ADAM9: variants seen among roughly 807,000 people sequenced by gnomAD.
The protein encoded by ADAM9 is disintegrin and metalloproteinase domain-containing protein 9.
Under a neutral mutation model 108.1 loss-of-function variants are expected in ADAM9, and 54 were observed. That is an observed-to-expected ratio of 0.50 (90% CI 0.40 to 0.63). ADAM9 has a LOEUF of 0.63. ADAM9 is among the 20% of genes least tolerant of loss of function. The pLI is 0.00. For synonymous variants in ADAM9, 316 were observed against 336.0 expected, an observed-to-expected ratio of 0.94 and a Z score of 0.65; for missense variants, 830 against 997.7, an observed-to-expected ratio of 0.83 and a Z score of 2.26.
chr8:38,997,283 G>T, intron 1 of ADAM9, 123 bp downstream of exon 1: 3 of 1,170,340 alleles, frequency 2.6e-6, no homozygotes, highest in East Asian at 5.1e-5. Flanking sequence ...GGGTCGGGGG[G>T]CGCGGCCGCT....
chr8:39,020,364 C>T (rs1485479393), intron 7 of ADAM9, among the ~76,000 whole-genome samples: 2 of 152,112 alleles, frequency 1.3e-5, no homozygotes, highest in African/African-American at 4.8e-5. Flanking sequence ...CAATTTCAAT[C>T]AAGCCCTATC....
chr8:39,022,947 C>T (rs144799224), intron 8 of ADAM9, among the ~76,000 whole-genome samples: 51 of 152,126 alleles, frequency 3.4e-4, no homozygotes, highest in Non-Finnish European at 6.5e-4. Context: ...TCCTGATCTC[C>T]GGTGATCCAA....
intron 14 of ADAM9, among the ~76,000 whole-genome samples, chr8:39,056,513 A>G (rs911523703): frequency 2.0e-5 from 3 of 152,066 alleles, no homozygotes; most frequent in Non-Finnish European, 4.4e-5. Flanking sequence ...CTCCCATCAT[A>G]CCTATGCTGA....
chr8:38,997,182 C>A (rs1273214274), intron 1 of ADAM9, 22 bp downstream of exon 1: 1 of 1,590,986 alleles, frequency 6.3e-7, no homozygotes, highest in East Asian at 2.2e-5. Flanking sequence ...CGCCCCGGGT[C>A]GGTTGGGACG....
chr8:39,043,575 A>G (rs1328409767), intron 12 of ADAM9, among the ~76,000 whole-genome samples: 1 of 152,066 alleles, frequency 6.6e-6, no homozygotes, highest in African/African-American at 2.4e-5. Context: ...GTGTGTCTTC[A>G]TGGAGCAATG....
chr8:39,029,774 G>C (rs866358834), intron 11 of ADAM9, among the ~76,000 whole-genome samples: 1 of 152,088 alleles, frequency 6.6e-6, no homozygotes. Flanking sequence ...GTTGAGTTCT[G>C]TTTGCTAGTA....
Position 39,014,043 on chromosome 8 carries a change from G to C in ADAM9, c.333G>C (p.Gln111His). 6 of 1,610,268 alleles carry C rather than the reference G, an allele frequency of 3.7e-6. No homozygotes were observed. Among genetic ancestry groups the C allele is most frequent in the Non-Finnish European group, 5.1e-6 (6 of 1,176,748 alleles). Reference sequence around the variant, plus strand: ...TAATCACTGACCATCCCAATATACAGGTAATGTATTTTTCTCTTGATCCCA... The same window carrying C: ...TAATCACTGACCATCCCAATATACACGTAATGTATTTTTCTCTTGATCCCA... ...GTLITDHPNI[Q>H]NHCHYRGYVE... The change falls in exon 4 of 22, where the codon CAG becomes CAC. Residue 111 changes from glutamine to histidine, a missense_variant and splice_region_variant. By Grantham distance (24) the Gln-to-His change is conservative. Coordinates refer to ENST00000487273, the MANE Select transcript of ADAM9 (RefSeq NM_003816.3).
At chr8:39,101,807 G>T in intron 20 of ADAM9, 56 bp from the exon 21 acceptor site, 3 of 1,336,658 alleles carry the variant, frequency 2.2e-6, no homozygotes, top group Non-Finnish European at 2.1e-6. Flanking sequence ...CTTCTATTTA[G>T]AAATCATATT....
intron 1 of ADAM9, among the ~76,000 whole-genome samples, chr8:38,997,581 TC>T (rs1220499671): frequency 1.3e-5 from 2 of 152,218 alleles, no homozygotes; most frequent in African/African-American, 4.8e-5. Context: ...TGGCTCTCGC[TC>T]GTGGAGTTAA....
chr8:39,024,488 G>C (rs564247781), intron 9 of ADAM9, among the ~76,000 whole-genome samples: 2 of 152,122 alleles, frequency 1.3e-5, no homozygotes, highest in Non-Finnish European at 2.9e-5. Flanking sequence ...ATGGGGTCCC[G>C]AAAACCTTTT....
At chr8:39,025,215 C>T (rs1043676373) in intron 9 of ADAM9, among the ~76,000 whole-genome samples, 1 of 152,088 alleles carries the variant, frequency 6.6e-6, no homozygotes, top group African/African-American at 2.4e-5. Flanking sequence ...CTCAGCCTCC[C>T]GAGTTGCTAG....
In ADAM9 at chr8:39,104,479, A is replaced by G. The variant is rs1285951232; in HGVS notation, c.*779A>G. The G allele has an allele frequency of 1.5e-5, 6 of 387,292 alleles. No homozygotes were observed. The highest frequency in any genetic ancestry group is 2.5e-5 in the Non-Finnish European group (5 of 198,542). The allele number at this position is 387,292 out of a possible 1,614,324, so 24.0% of individuals were successfully genotyped here. On this transcript the variant is annotated 3_prime_UTR_variant, in exon 22 of 22. Transcript: ENST00000487273. ...TATTTTAAATAAATTATAAGCTTTA[A>G]GGTACGAAGTATTTAATAGATCTAA...
intron 14 of ADAM9, among the ~76,000 whole-genome samples, chr8:39,061,935 G>A (rs1838312784): frequency 6.6e-6 from 1 of 152,184 alleles, no homozygotes; most frequent in African/African-American, 2.4e-5. Flanking sequence ...TTAAATGGCA[G>A]ACACTTATTT....
At chr8:39,037,685 G>C (rs375892606) in intron 11 of ADAM9, among the ~76,000 whole-genome samples, 9 of 151,766 alleles carry the variant, frequency 5.9e-5, no homozygotes, top group East Asian at 3.9e-4. Flanking sequence ...CCAAAGCATT[G>C]GGATTACATT....
intron 16 of ADAM9, among the ~76,000 whole-genome samples, chr8:39,077,639 A>G (rs571861742): frequency 1.3e-5 from 2 of 152,262 alleles, no homozygotes; most frequent in East Asian, 1.9e-4. Context: ...TATACTGTGC[A>G]TGGTTCCCTC....
intron 14 of ADAM9, among the ~76,000 whole-genome samples, chr8:39,068,421 TC>T (rs1449490155): frequency 6.6e-6 from 1 of 151,932 alleles, no homozygotes; most frequent in Non-Finnish European, 1.5e-5. Flanking sequence ...ACACCTCTAA[TC>T]CTAGCACTTT....
Position 39,026,793 on chromosome 8 carries a change from C to T in ADAM9, c.1113C>T (p.Ile371=), listed in dbSNP as rs1464155742. ...GTTCCTGTGGAGCAAAGAGCTGCAT[C>T]ATGAATTCAGGAGCATCGTGAGTAC... ...RDCSCGAKSC[I]MNSGASGSRN... Residue 371 remains isoleucine (I), a synonymous_variant, in exon 11 of 22, where the codon ATC becomes ATT. Coordinates refer to ENST00000487273, the MANE Select transcript of ADAM9 (RefSeq NM_003816.3). 1 of 1,609,546 alleles carries T rather than the reference C, an allele frequency of 6.2e-7. No homozygotes were observed. The highest frequency in any genetic ancestry group is 8.5e-7 in the Non-Finnish European group (1 of 1,179,262).
chr8:39,092,331 T>TAC (rs71552833), intron 20 of ADAM9, among the ~76,000 whole-genome samples: 7,978 of 148,644 alleles, frequency 0.054, 323 homozygotes, highest in African/African-American at 0.11. Context: ...AATATATTTA[T>TAC]ACACACACAC....
At chr8:39,072,474 C>T (rs1301507024) in intron 15 of ADAM9, among the ~76,000 whole-genome samples, 1 of 152,164 alleles carries the variant, frequency 6.6e-6, no homozygotes, top group Non-Finnish European at 1.5e-5. Context: ...GCCATTTTCT[C>T]CTTCTTGAAG....
Sources: allele counts gnomAD v4.1 joint callset (sites outside exome capture counted in the v4.1 genomes callset), GRCh38; gene constraint gnomAD v4.1.1; transcripts MANE v1.5; gene names NCBI Gene and HGNC (gene_info 2026-07-23, HGNC 2026-07-21).